Variants in NPSR1 observed in about 807,000 individuals in gnomAD.
NPSR1 encodes neuropeptide S receptor 1.
Under a neutral mutation model 46.9 loss-of-function variants are expected in NPSR1, and 48 were observed. The ratio of observed to expected loss-of-function variants is 1.02; its 90% CI spans 0.81 to 1.30. NPSR1 has a LOEUF of 1.30. Ranked by LOEUF, NPSR1 falls within the 50% of genes most tolerant of loss-of-function variation. The probability of loss-of-function intolerance (pLI) is 0.00; values close to 1 mark genes in which losing one functional copy is unlikely to be tolerated. For missense variants in NPSR1, 450 were observed against 449.5 expected (o/e 1.00, Z -0.01); for synonymous variants, 176 against 168.1 (o/e 1.05, Z -0.36).
intron 8 of NPSR1, 38 bp downstream of exon 8, chr7:34,848,701 G>A (rs1435818019): frequency 1.3e-6 from 2 of 1,566,736 alleles, no homozygotes; most frequent in South Asian, 1.1e-5. Context: ...CACACTGATG[G>A]CCATTGCACT....
intron 1 of NPSR1, among the ~76,000 whole-genome samples, chr7:34,676,968 T>C (rs1219249575): frequency 1.3e-5 from 2 of 152,168 alleles, no homozygotes; most frequent in East Asian, 3.8e-4. Flanking sequence ...GACTCCAACC[T>C]GTTTACAGAG....
intron 3 of NPSR1, among the ~76,000 whole-genome samples, chr7:34,792,734 T>TATTTATATATATATGTATATA (rs58315247): frequency 4.9e-5 from 6 of 123,316 alleles, no homozygotes; most frequent in Middle Eastern, 5.2e-3. Context: ...TATATATATA[T>TATTTATATATATATGTATATA]TAGCCAGGCA....
chr7:34,757,123 A>G (rs1035803243), intron 2 of NPSR1, among the ~76,000 whole-genome samples: 6 of 152,144 alleles, frequency 3.9e-5, no homozygotes, highest in Non-Finnish European at 5.9e-5. Context: ...TGGTGTTTTG[A>G]GTACCTATAT....
intron 3 of NPSR1, among the ~76,000 whole-genome samples, chr7:34,793,315 T>C (rs895460090): frequency 2.0e-5 from 3 of 151,914 alleles, no homozygotes; most frequent in African/African-American, 4.8e-5. Context: ...TGATGAGGAG[T>C]TAATATCCAG....
At chr7:34,777,430 C>A (rs1386254743) in intron 2 of NPSR1, among the ~76,000 whole-genome samples, 2 of 151,946 alleles carry the variant, frequency 1.3e-5, no homozygotes, top group East Asian at 3.9e-4. Flanking sequence ...GCTCTCCACA[C>A]CCTGCTGCCA....
chr7:34,731,011 T>C (rs1218863972), intron 2 of NPSR1, among the ~76,000 whole-genome samples: 1 of 152,164 alleles, frequency 6.6e-6, no homozygotes, highest in African/African-American at 2.4e-5. Context: ...AGAATTTCAA[T>C]AACTCGCATA....
At chr7:34,771,820 G>T (rs1786698904) in intron 2 of NPSR1, among the ~76,000 whole-genome samples, 1 of 152,142 alleles carries the variant, frequency 6.6e-6, no homozygotes, top group South Asian at 2.1e-4. Context: ...TTTTATCTCA[G>T]TTTGTTGTGA....
chr7:34,662,220 A>T (rs1291245799), intron 1 of NPSR1, among the ~76,000 whole-genome samples: 1 of 152,204 alleles, frequency 6.6e-6, no homozygotes, highest in Admixed American at 6.5e-5. Flanking sequence ...TTCGGTGGAT[A>T]GTTACAAGTG....
At chr7:34,791,955 T>C (rs1486409821) in intron 3 of NPSR1, among the ~76,000 whole-genome samples, 1 of 151,868 alleles carries the variant, frequency 6.6e-6, no homozygotes, top group East Asian at 1.9e-4. Context: ...GTGCCAAAAA[T>C]AAACAATGGG....
intron 2 of NPSR1, among the ~76,000 whole-genome samples, chr7:34,690,201 C>T (rs1481878000): frequency 6.6e-6 from 1 of 151,960 alleles, no homozygotes; most frequent in Non-Finnish European, 1.5e-5. Flanking sequence ...TCCAAAGGAC[C>T]TTACACAACA....
At chr7:34,790,496 A>G (rs1342043650) in intron 3 of NPSR1, among the ~76,000 whole-genome samples, 2 of 151,824 alleles carry the variant, frequency 1.3e-5, no homozygotes, top group Admixed American at 1.3e-4. Flanking sequence ...CTTCTATTCA[A>G]CATAGTACTG....
At chr7:34,874,117 G>A (rs1374207109) in intron 8 of NPSR1, among the ~76,000 whole-genome samples, 1 of 149,178 alleles carries the variant, frequency 6.7e-6, no homozygotes, top group Non-Finnish European at 1.5e-5. Context: ...CTGGAATCTG[G>A]CTTCCCACCC....
chr7:34,704,195 T>C (rs1793989820), intron 2 of NPSR1: 1 of 152,182 alleles, frequency 6.6e-6, no homozygotes, highest in South Asian at 2.1e-4. Flanking sequence ...TCAGTCCTTG[T>C]TTTCCTGGAT....
chr7:34,795,338 C>A (rs1052494044), intron 3 of NPSR1, among the ~76,000 whole-genome samples: 11 of 152,254 alleles, frequency 7.2e-5, no homozygotes, highest in Admixed American at 5.2e-4. Context: ...AAACTATGAG[C>A]TTTCTTGCTA....
Position 34,827,571 on chromosome 7 carries a change from C to G in NPSR1, c.649C>G (p.Leu217Val). Residue 217 changes from leucine to valine, a missense_variant, in exon 5 of 9, where the codon CTG becomes GTG. Coordinates refer to ENST00000360581, the MANE Select transcript of NPSR1 (RefSeq NM_207172.2). ...WTPYMTIVAF[L>V]VYFIPLTIIS... The stretch of plus-strand genomic sequence containing the variant: ...CCCATACATGACCATCGTGGCCTTC[C>G]TGGTGTACTTCATCCCTCTGACAAT... The G allele has an allele frequency of 1.4e-6, 2 of 1,442,294 alleles. No homozygotes were observed. Among genetic ancestry groups the G allele is most frequent in the Non-Finnish European group, 1.9e-6 (2 of 1,073,224 alleles). 89.3% of individuals were successfully genotyped at this position (1,442,294 alleles called of 1,614,324 possible).
At chr7:34,864,303 A>G (rs1425674502) in intron 8 of NPSR1, among the ~76,000 whole-genome samples, 1 of 150,988 alleles carries the variant, frequency 6.6e-6, no homozygotes, top group Non-Finnish European at 1.5e-5. Context: ...GCAAACCAGC[A>G]TGGCACGTGT....
At chr7:34,875,435 GCCCTACCT>G (rs2128771162) in intron 8 of NPSR1, among the ~76,000 whole-genome samples, 1 of 152,282 alleles carries the variant, frequency 6.6e-6, no homozygotes, top group Admixed American at 6.5e-5. Flanking sequence ...TGCTTCCGGC[GCCCTACCT>G]CAAGGGTCTG....
intron 1 of NPSR1, among the ~76,000 whole-genome samples, chr7:34,663,751 C>T (rs981924215): frequency 7.9e-5 from 12 of 152,188 alleles, no homozygotes; most frequent in African/African-American, 2.2e-4. Flanking sequence ...AGTGTTCTTC[C>T]GAATTTATTA....
chr7:34,807,072 T>C (rs1004496438), intron 3 of NPSR1, among the ~76,000 whole-genome samples: 6 of 152,222 alleles, frequency 3.9e-5, no homozygotes, highest in African/African-American at 1.4e-4. Context: ...GTTTTCATTG[T>C]TGACATTTAT....
Sources: allele counts gnomAD v4.1 joint callset (sites outside exome capture counted in the v4.1 genomes callset), GRCh38; gene constraint gnomAD v4.1.1; transcripts MANE v1.5; gene names NCBI Gene and HGNC (gene_info 2026-07-23, HGNC 2026-07-21).